Variants in TENM3 observed in about 807,000 individuals in gnomAD.
TENM3 encodes the protein teneurin transmembrane protein 3.
Under a neutral mutation model 255.1 loss-of-function variants are expected in TENM3, and 63 were observed. The observed-to-expected ratio is 0.25, with a 90% CI of 0.20 to 0.30. The LOEUF is 0.30. Among genes scored for constraint, TENM3 ranks in the 10% least tolerant of loss-of-function variants. TENM3 has a pLI of 1.00. For missense variants in TENM3, 2,929 were observed against 3,461.1 expected (o/e 0.85, Z 3.86); for synonymous variants, 1,306 against 1,322.3 (o/e 0.99, Z 0.27).
At chr4:181,884,055 A>G in the TENM3 span, among the ~76,000 whole-genome samples, 1 of 152,172 alleles carries the variant, frequency 6.6e-6, no homozygotes, top group East Asian at 1.9e-4. Context: ...AACCCTGTGG[A>G]ACAATTCTCA....
At chr4:182,136,887 T>A in the TENM3 span, among the ~76,000 whole-genome samples, 1 of 152,196 alleles carries the variant, frequency 6.6e-6, no homozygotes, top group Non-Finnish European at 1.5e-5. Context: ...TTTCAAAGTG[T>A]CAACTCAGAA....
chr4:182,559,182 C>G (rs1290989190), intron 3 of TENM3, among the ~76,000 whole-genome samples: 4 of 137,606 alleles, frequency 2.9e-5, no homozygotes, highest in Admixed American at 8.1e-5. Context: ...TCCATCCAAC[C>G]AAAATATTTT....
intron 26 of TENM3, 118 bp from the exon 27 acceptor site, chr4:182,796,519 G>T: frequency 1.0e-6 from 1 of 956,806 alleles, no homozygotes; most frequent in East Asian, 2.8e-5. Context: ...AAGCAAACAG[G>T]TGCTCTTTTT....
chr4:182,364,409 T>C (rs146744297), intron 3 of TENM3, among the ~76,000 whole-genome samples: 1 of 152,184 alleles, frequency 6.6e-6, no homozygotes, highest in East Asian at 1.9e-4. Context: ...TGTTTTTTGT[T>C]TTTTGTTTTT....
At chr4:182,473,619 G>C (rs1228783600) in intron 3 of TENM3, among the ~76,000 whole-genome samples, 1 of 152,148 alleles carries the variant, frequency 6.6e-6, no homozygotes, top group African/African-American at 2.4e-5. Flanking sequence ...CTTGCAGTGA[G>C]CCGAGATCGC....
the TENM3 span, among the ~76,000 whole-genome samples, chr4:181,679,971 C>G: frequency 6.6e-6 from 1 of 152,094 alleles, no homozygotes; most frequent in Non-Finnish European, 1.5e-5. Context: ...TTTTACCTGG[C>G]AAATTGCTCG....
the TENM3 span, among the ~76,000 whole-genome samples, chr4:181,920,934 G>T: frequency 6.6e-5 from 10 of 152,196 alleles, no homozygotes; most frequent in Middle Eastern, 3.4e-3. Flanking sequence ...AGGGATCCAG[G>T]TTCAGCTTTC....
the TENM3 span, among the ~76,000 whole-genome samples, chr4:181,868,761 G>A: frequency 5.9e-5 from 9 of 152,142 alleles, no homozygotes; most frequent in African/African-American, 1.7e-4. Flanking sequence ...ATCAGCAAAC[G>A]GCTTAATAAC....
At chr4:181,994,553 G>GT in the TENM3 span, among the ~76,000 whole-genome samples, 9 of 82,926 alleles carry the variant, frequency 1.1e-4, no homozygotes, top group African/African-American at 2.2e-4. Flanking sequence ...GTTTTTTGTG[G>GT]GTTTTTTTTT....
intron 1 of TENM3, among the ~76,000 whole-genome samples, chr4:182,158,623 A>G (rs1051707718): frequency 5.9e-5 from 9 of 152,130 alleles, no homozygotes; most frequent in Non-Finnish European, 1.2e-4. Flanking sequence ...AGAATTACTC[A>G]TGGCAGGGAG....
At chr4:181,979,176 A>G in the TENM3 span, among the ~76,000 whole-genome samples, 1 of 117,966 alleles carries the variant, frequency 8.5e-6, no homozygotes, top group Non-Finnish European at 1.7e-5. Flanking sequence ...GTTGACTACC[A>G]TGGTATGGAC....
the TENM3 span, among the ~76,000 whole-genome samples, chr4:181,630,016 C>A: frequency 1.3e-5 from 2 of 152,248 alleles, no homozygotes; most frequent in African/African-American, 4.8e-5. Context: ...AACTTCAGAG[C>A]CTGTTATTGG....
chr4:182,354,274 G>A (rs1765377826), intron 3 of TENM3, among the ~76,000 whole-genome samples: 1 of 152,178 alleles, frequency 6.6e-6, no homozygotes. Flanking sequence ...TGAAATTAAA[G>A]TGAAGCATGC....
At chr4:182,496,267 A>G (rs1735763136) in intron 3 of TENM3, among the ~76,000 whole-genome samples, 3 of 152,178 alleles carry the variant, frequency 2.0e-5, no homozygotes, top group Admixed American at 2.0e-4. Context: ...TTGCCCTTTT[A>G]AACAGAGCTA....
chr4:181,609,436 T>A, the TENM3 span, among the ~76,000 whole-genome samples: 1 of 152,348 alleles, frequency 6.6e-6, no homozygotes, highest in Non-Finnish European at 1.5e-5. Context: ...TGCATTTCTC[T>A]TTTAGACTTT....
the TENM3 span, among the ~76,000 whole-genome samples, chr4:182,133,865 T>G: frequency 6.6e-6 from 1 of 152,290 alleles, no homozygotes; most frequent in Middle Eastern, 3.4e-3. Context: ...TTATGAAAAA[T>G]ATTTAACCCA....
chr4:182,421,875 T>C (rs1378948137), intron 3 of TENM3, among the ~76,000 whole-genome samples: 2 of 152,172 alleles, frequency 1.3e-5, no homozygotes, highest in Non-Finnish European at 2.9e-5. Flanking sequence ...GCCCTTTAGA[T>C]CTACCAGGTT....
the TENM3 span, among the ~76,000 whole-genome samples, chr4:182,036,071 A>T: frequency 1.2e-4 from 18 of 152,040 alleles, 1 homozygote; most frequent in East Asian, 1.6e-3. Context: ...ATAAATCCCA[A>T]CTTCCAGATC....
intron 3 of TENM3, among the ~76,000 whole-genome samples, chr4:182,512,775 C>T (rs1415620499): frequency 1.3e-5 from 2 of 152,144 alleles, no homozygotes; most frequent in Non-Finnish European, 2.9e-5. Flanking sequence ...GAGCCTCCCT[C>T]TCCTAATGTG....
Sources: allele counts gnomAD v4.1 joint callset (sites outside exome capture counted in the v4.1 genomes callset), GRCh38; gene constraint gnomAD v4.1.1; transcripts MANE v1.5; gene names NCBI Gene and HGNC (gene_info 2026-07-23, HGNC 2026-07-21).